The following TCF7 variants were observed in gnomAD, a reference collection of about 807,000 sequenced individuals.
TCF7 encodes the protein T-cell-factor-7.
Under a neutral mutation model 46.8 loss-of-function variants are expected in TCF7, and 19 were observed. The observed-to-expected ratio is 0.41, with a 90% CI of 0.28 to 0.60. TCF7 has a LOEUF of 0.60. Among genes scored for constraint, TCF7 ranks in the 20% least tolerant of loss-of-function variants. The probability of loss-of-function intolerance (pLI) is 0.35; values close to 1 mark genes in which losing one functional copy is unlikely to be tolerated. For missense variants in TCF7, 547 were observed against 504.6 expected (o/e 1.08, Z -0.81); for synonymous variants, 245 against 213.4 (o/e 1.15, Z -1.29).
rs572178494 is a variant in TCF7 at position 134,133,086 on chromosome 5, G to A, written c.442-4973G>A. On this transcript the variant is annotated intron_variant, in intron 3 of 9. Transcript: ENST00000342854. ...GTCACCAGGCATCCAGTAGAAGGCT[G>A]GACAGGCACTGGTGGGACAGAGATG... Among the ~76,000 whole-genome samples the A allele has an allele frequency of 1.8e-3, 267 of 152,288 alleles. 2 individuals are homozygous for A. Among genetic ancestry groups the A allele is most frequent in the African/African-American group, 6.3e-3 (260 of 41,548 alleles).
upstream of TCF7, among the ~76,000 whole-genome samples, chr5:134,113,706 A>T (rs2149258375): frequency 6.6e-6 from 1 of 152,372 alleles, no homozygotes; most frequent in East Asian, 1.9e-4. Context: ...GCCCGCGTGG[A>T]CGCAGACCCG....
intron 9 of TCF7, chr5:134,145,461 AACAGAGAAAT>A: frequency 3.6e-6 from 2 of 561,832 alleles, no homozygotes; most frequent in Non-Finnish European, 6.6e-6. Flanking sequence ...TTCACCATAC[AACAGAGAAAT>A]ACTTGTGGGT....
chr5:134,142,879 G>A lies in TCF7; in HGVS notation c.914G>A (p.Arg305His), dbSNP rs1440945896. 11 of 1,613,518 alleles carry A rather than the reference G, an allele frequency of 6.8e-6. No individual in the cohort carries two copies. The highest frequency in any genetic ancestry group is 1.6e-4 in the Middle Eastern group (1 of 6,084). Residue 305 changes from arginine (R) to histidine (H), a missense_variant, in exon 7 of 10, where the codon CGC becomes CAC. Physicochemically the swap from Arg to His is conservative, Grantham distance 29 (BLOSUM62 0). Transcript: ENST00000342854. ...GCTGCCATCAACCAGATCCTGGGCC[G>A]CAGGGTGAGACCATGGGCAGGTGGG... The part of the protein sequence containing the change: ...ESAAINQILG[R>H]RWHALSREEQ...
At chr5:134,112,962 C>T (rs958377055), upstream of TCF7, among the ~76,000 whole-genome samples, 3 of 152,146 alleles carry the variant, frequency 2.0e-5, no homozygotes, top group African/African-American at 2.4e-5. Flanking sequence ...CACATGAGGA[C>T]CCCTAAAGCC....
chr5:134,146,073 T>TG (rs1760657241), intron 9 of TCF7, 151 bp from the exon 10 acceptor site: 1 of 1,580,936 alleles, frequency 6.3e-7, no homozygotes, highest in South Asian at 1.1e-5. Context: ...CCAAGCAGAA[T>TG]GGCAGTCTGA....
At chr5:134,146,031 G>A in intron 9 of TCF7, 193 bp from the exon 10 acceptor site, 1 of 1,520,484 alleles carries the variant, frequency 6.6e-7, no homozygotes, top group Non-Finnish European at 8.7e-7. Context: ...TGGCTGTTCT[G>A]GGAACTGCAC....
Position 134,115,153 on chromosome 5 carries a change from G to T in TCF7, c.247G>T (p.Glu83Ter). ...CGGCGCCGGGGCCCGCGGCGAGGCC[G>T]AGGTGAGCCCCCGCCGGCGCCGGCT... is the stretch of plus-strand genomic sequence containing the variant. ...GAGAGARGEA[E>*]ALGREHAAQR... Residue 83 changes from glutamate (E) to a stop codon, truncating the protein, a stop_gained and splice_region_variant, in exon 1 of 10, where the codon GAG becomes TAG. Coordinates refer to ENST00000342854, the MANE Select transcript of TCF7 (RefSeq NM_003202.5). LOFTEE classifies it high-confidence loss of function. 1 of 1,020,402 alleles carries T rather than the reference G, an allele frequency of 9.8e-7. No homozygotes were observed. The highest frequency in any genetic ancestry group is 1.2e-6 in the Non-Finnish European group (1 of 853,804). 63.2% of individuals were successfully genotyped at this position (1,020,402 alleles called of 1,614,324 possible).
chr5:134,136,624 T>A (rs771252433), intron 3 of TCF7, among the ~76,000 whole-genome samples: 1 of 152,170 alleles, frequency 6.6e-6, no homozygotes, highest in Non-Finnish European at 1.5e-5. Context: ...CAGCCTTCCA[T>A]CTAGGCTTGC....
chr5:134,118,137 C>G (rs1467213336), intron 3 of TCF7, among the ~76,000 whole-genome samples: 1 of 152,234 alleles, frequency 6.6e-6, no homozygotes, highest in African/African-American at 2.4e-5. Context: ...AATCCACCCC[C>G]ACATTTTAGA....
At chr5:134,116,318 T>TG (rs959625562) in intron 3 of TCF7, among the ~76,000 whole-genome samples, 1 of 152,194 alleles carries the variant, frequency 6.6e-6, no homozygotes, top group Non-Finnish European at 1.5e-5. Context: ...GATGCCAGGG[T>TG]GGGGTCTTCT....
intron 3 of TCF7, among the ~76,000 whole-genome samples, chr5:134,130,263 G>A (rs1036276452): frequency 6.6e-6 from 1 of 152,230 alleles, no homozygotes; most frequent in African/African-American, 2.4e-5. Context: ...CCAGGAAGTC[G>A]ATTGTTGTAG....
intron 9 of TCF7, chr5:134,145,572 G>T (rs1013741304): frequency 8.6e-6 from 6 of 694,124 alleles, no homozygotes; most frequent in Middle Eastern, 6.9e-4. Context: ...ACTCCAGGCA[G>T]TAAGGCCACT....
intron 9 of TCF7, chr5:134,143,977 C>G: frequency 3.6e-6 from 1 of 278,440 alleles, no homozygotes; most frequent in Non-Finnish European, 6.9e-6. Context: ...TTAGCCCAAA[C>G]AATGTCCTGG....
rs1290170449 is a variant in TCF7 at position 134,114,722 on chromosome 5, G to T, written c.-185G>T. On this transcript the variant is annotated 5_prime_UTR_variant, in exon 1 of 10. Coordinates refer to ENST00000342854, the MANE Select transcript of TCF7 (RefSeq NM_003202.5). ...CTTTGATGTTCCGACCCGCCAGCTCGCGGAGCCGCTCTGCCCCGCGCCCTA... is the reference window on the plus strand; with the variant it reads ...CTTTGATGTTCCGACCCGCCAGCTCTCGGAGCCGCTCTGCCCCGCGCCCTA... 5 of 448,460 alleles carry T rather than the reference G, an allele frequency of 1.1e-5. 1 individual carries two copies. In the East Asian group the frequency reaches 6.8e-4, roughly 61 times the overall value. The allele number at this position is 448,460 out of a possible 1,614,324, so 27.8% of individuals were successfully genotyped here.
At position 134,147,513 on chromosome 5, in the gene TCF7, G is replaced by C. The variant is rs192016780; in HGVS notation, c.*1210G>C. On this transcript the variant is annotated 3_prime_UTR_variant, in exon 10 of 10. Coordinates refer to ENST00000342854, the MANE Select transcript of TCF7 (RefSeq NM_003202.5). Reference sequence around the variant, plus strand: ...GGCTCCAGTTTCCCCATGGGGCTGCGGGACAGAGGACCATTACAACTAGAT... The same window carrying C: ...GGCTCCAGTTTCCCCATGGGGCTGCCGGACAGAGGACCATTACAACTAGAT... 3 of 152,546 alleles carry C rather than the reference G, an allele frequency of 2.0e-5. No individual in the cohort carries two copies. The highest frequency in any genetic ancestry group is 2.0e-4 in the Admixed American group (3 of 15,264). 9.4% of individuals were successfully genotyped at this position (152,546 alleles called of 1,614,324 possible).
At chr5:134,132,047 C>T (rs1758197402) in intron 3 of TCF7, among the ~76,000 whole-genome samples, 1 of 152,208 alleles carries the variant, frequency 6.6e-6, no homozygotes, top group South Asian at 2.1e-4. Flanking sequence ...TCACCCTGAC[C>T]AGCCAGGCTG....
intron 6 of TCF7, 27 bp from the exon 7 acceptor site, chr5:134,142,694 T>G: frequency 6.2e-7 from 1 of 1,612,414 alleles, no homozygotes; most frequent in Non-Finnish European, 8.5e-7. Flanking sequence ...GGGGGGCTCC[T>G]GAACAATCTG....
chr5:134,142,558 C>T (rs1759995911), intron 6 of TCF7, among the ~76,000 whole-genome samples, 163 bp from the exon 7 acceptor site: 1 of 152,152 alleles, frequency 6.6e-6, no homozygotes, highest in South Asian at 2.1e-4. Flanking sequence ...GGAACAGTTA[C>T]TTAGCTGTCT....
intron 3 of TCF7, among the ~76,000 whole-genome samples, chr5:134,131,070 T>G (rs1758053228): frequency 6.6e-6 from 1 of 151,986 alleles, no homozygotes; most frequent in Admixed American, 6.5e-5. Flanking sequence ...TCCTGAAAGA[T>G]GGATAGGAGT....
Sources: gnomAD v4.1 joint callset for allele counts (sites outside exome capture counted in the v4.1 genomes callset) on GRCh38, gnomAD v4.1.1 for gene constraint, MANE v1.5 for transcripts, NCBI Gene and HGNC (gene_info 2026-07-23, HGNC 2026-07-21) for gene names.